The following SUGCT variants were observed in gnomAD, a reference collection of about 807,000 sequenced individuals.
SUGCT encodes succinyl-CoA:glutarate CoA-transferase.
In SUGCT, 41 loss-of-function variants were observed where a neutral mutation model predicts 55.0. The ratio of observed to expected loss-of-function variants is 0.74; its 90% confidence interval spans 0.58 to 0.97. SUGCT has a LOEUF of 0.97. SUGCT is among the 50% of genes least tolerant of loss of function. SUGCT has a pLI of 0.00. For missense variants in SUGCT, 568 were observed against 547.8 expected (o/e 1.04, Z -0.37); for synonymous variants, 187 against 200.4 (o/e 0.93, Z 0.56).
chr7:40,272,188 ATAT>A, intron 7 of SUGCT, among the ~76,000 whole-genome samples: 1 of 71,030 alleles, frequency 1.4e-5, no homozygotes, highest in Non-Finnish European at 2.7e-5. Flanking sequence ...ATATATATAT[ATAT>A]ATACAGGGTC....
intron 11 of SUGCT, among the ~76,000 whole-genome samples, chr7:40,495,227 C>T (rs1414660689): frequency 7.2e-6 from 1 of 138,584 alleles, no homozygotes; most frequent in Non-Finnish European, 1.6e-5. Flanking sequence ...TATTTCTATG[C>T]TTTTTTTTTT....
chr7:40,155,439 A>C (rs1326729451), intron 1 of SUGCT, among the ~76,000 whole-genome samples: 1 of 152,084 alleles, frequency 6.6e-6, no homozygotes, highest in African/African-American at 2.4e-5. Context: ...CTCTGAGCTA[A>C]GGGAAAAGGA....
the SUGCT span, among the ~76,000 whole-genome samples, chr7:40,887,831 G>A: frequency 6.6e-6 from 1 of 152,158 alleles, no homozygotes; most frequent in Non-Finnish European, 1.5e-5. Flanking sequence ...AGCCAGTAAA[G>A]ACACTGAAAA....
intron 12 of SUGCT, among the ~76,000 whole-genome samples, chr7:40,674,925 T>G (rs996383997): frequency 2.0e-5 from 3 of 152,088 alleles, no homozygotes; most frequent in African/African-American, 7.2e-5. Context: ...AGGAAAGTTT[T>G]TGATTGAACC....
chr7:40,862,611 C>G (rs1388546221), downstream of SUGCT, among the ~76,000 whole-genome samples: 1 of 152,140 alleles, frequency 6.6e-6, no homozygotes, highest in African/African-American at 2.4e-5. Flanking sequence ...CAGTTTGTGT[C>G]AAGGCCTGCC....
At chr7:40,795,747 A>G (rs187289947) in intron 13 of SUGCT, among the ~76,000 whole-genome samples, 2 of 152,310 alleles carry the variant, frequency 1.3e-5, no homozygotes, top group East Asian at 3.9e-4. Context: ...TTGGATTTCA[A>G]CCAGCAGAAT....
chr7:40,786,155 C>T (rs972918150), intron 13 of SUGCT, among the ~76,000 whole-genome samples: 2 of 151,974 alleles, frequency 1.3e-5, no homozygotes, highest in African/African-American at 4.8e-5. Context: ...CTTGAATTTT[C>T]CTATGGAAGG....
chr7:40,995,654 A>C, the SUGCT span, among the ~76,000 whole-genome samples: 6 of 149,736 alleles, frequency 4.0e-5, no homozygotes, highest in African/African-American at 1.5e-4. Flanking sequence ...TTCTCAGTCT[A>C]TTTTCGTATC....
chr7:40,820,099 T>C (rs1337597192), intron 13 of SUGCT, among the ~76,000 whole-genome samples: 1 of 152,116 alleles, frequency 6.6e-6, no homozygotes, highest in African/African-American at 2.4e-5. Flanking sequence ...GAGGGCTCTG[T>C]TCTGTTCTGT....
chr7:40,181,746 C>CA lies in SUGCT; in HGVS notation c.153-195dup, dbSNP rs35533534. Among the ~76,000 whole-genome samples the CA allele has an allele frequency of 0.35, 36,687 of 103,622 alleles. 5,627 individuals carry two copies. Among genetic ancestry groups the CA allele is most frequent in the South Asian group, 0.51 (1,933 of 3,766 alleles). The allele number at this position is 103,622 out of a possible 152,430, so 68.0% of individuals were successfully genotyped here. ...GGGTGACAGAGCGAGACTCCGTCTCCAAAAAAAAAAAAAAGAAAAAGAATT... is the reference window on the plus strand; with the variant it reads ...GGGTGACAGAGCGAGACTCCGTCTCCAAAAAAAAAAAAAAAGAAAAAGAATT... On this transcript the variant is annotated intron_variant, in intron 2 of 13. Transcript: ENST00000335693.
intron 13 of SUGCT, among the ~76,000 whole-genome samples, chr7:40,840,179 G>A (rs1009872643): frequency 7.9e-5 from 12 of 152,058 alleles, no homozygotes; most frequent in East Asian, 1.9e-4. Context: ...AGTAGGGCTC[G>A]TTATCTAAAT....
chr7:40,450,214 C>A (rs1018283255), intron 10 of SUGCT, among the ~76,000 whole-genome samples: 2 of 152,074 alleles, frequency 1.3e-5, no homozygotes, highest in Non-Finnish European at 2.9e-5. Flanking sequence ...AGGCGTGAAC[C>A]ACTGCACCCG....
intron 13 of SUGCT, among the ~76,000 whole-genome samples, chr7:40,814,059 A>T (rs556660185): frequency 1.1e-4 from 17 of 152,292 alleles, no homozygotes; most frequent in African/African-American, 4.1e-4. Flanking sequence ...CTCCTGGCTT[A>T]TAAGGTTTAT....
chr7:40,638,538 A>T (rs543957426), intron 12 of SUGCT, among the ~76,000 whole-genome samples: 24 of 152,338 alleles, frequency 1.6e-4, no homozygotes, highest in African/African-American at 5.5e-4. Context: ...CCAAGGTGTT[A>T]AAAGCTTGAT....
Position 40,420,591 on chromosome 7 carries a change from G to A in SUGCT, c.817-28696G>A, listed in dbSNP as rs191114632. On this transcript the variant is annotated intron_variant, in intron 9 of 13. Transcript: ENST00000335693. ...TGACCTCAGGTGATCCACCTGCTTC[G>A]GCCTCCCAAAGTGCTGGGATTACAG... Among the ~76,000 whole-genome samples, 303 of 152,120 alleles carry A rather than the reference G, an allele frequency of 2.0e-3. 1 individual carries two copies. Among genetic ancestry groups the A allele is most frequent in the Non-Finnish European group, 3.4e-3 (230 of 67,982 alleles).
intron 8 of SUGCT, among the ~76,000 whole-genome samples, chr7:40,286,419 T>C (rs1380738387): frequency 6.6e-6 from 1 of 152,132 alleles, no homozygotes; most frequent in Non-Finnish European, 1.5e-5. Flanking sequence ...ACATGGATAA[T>C]CCAGGATAAT....
chr7:40,290,550 C>T (rs952618768), intron 8 of SUGCT, among the ~76,000 whole-genome samples: 75 of 152,260 alleles, frequency 4.9e-4, no homozygotes, highest in Non-Finnish European at 8.2e-4. Context: ...ACCATAAAAA[C>T]CCTAGAAGAA....
At chr7:40,383,989 T>A (rs575525610) in intron 9 of SUGCT, among the ~76,000 whole-genome samples, 41 of 152,344 alleles carry the variant, frequency 2.7e-4, no homozygotes, top group African/African-American at 9.4e-4. Context: ...GTCCTTTGGA[T>A]GTTAATCCAA....
At chr7:40,550,832 A>T (rs1583962300) in intron 12 of SUGCT, among the ~76,000 whole-genome samples, 1 of 152,218 alleles carries the variant, frequency 6.6e-6, no homozygotes, top group Admixed American at 6.5e-5. Flanking sequence ...TGTTTTTCAG[A>T]GTTCACATAC....
Sources: gnomAD v4.1 joint callset for allele counts (sites outside exome capture counted in the v4.1 genomes callset) on GRCh38, gnomAD v4.1.1 for gene constraint, MANE v1.5 for transcripts, NCBI Gene and HGNC (gene_info 2026-07-23, HGNC 2026-07-21) for gene names.